Variants in APP observed in about 807,000 individuals in gnomAD.
APP encodes amyloid beta precursor protein.
Under a neutral mutation model 101.4 loss-of-function variants are expected in APP, and 31 were observed. That is an observed-to-expected ratio of 0.31 (90% CI 0.23 to 0.41). The LOEUF is 0.41. Among genes scored for constraint, APP ranks in the 10% least tolerant of loss-of-function variants. The pLI is 1.00. For missense variants in APP, 839 were observed against 1,003.7 expected (o/e 0.84, Z 2.22); for synonymous variants, 366 against 364.4 (o/e 1.00, Z -0.05).
chr21:26,005,037 T>A (rs1006661306), intron 6 of APP, among the ~76,000 whole-genome samples: 1 of 152,192 alleles, frequency 6.6e-6, no homozygotes, highest in Non-Finnish European at 1.5e-5. Context: ...CACATTTTCT[T>A]AATCCAGTCT....
At chr21:25,944,322 C>T (rs1257741380) in intron 13 of APP, among the ~76,000 whole-genome samples, 1 of 152,176 alleles carries the variant, frequency 6.6e-6, no homozygotes, top group Non-Finnish European at 1.5e-5. Context: ...TGTTTAGGTG[C>T]ACACCAAGTC....
intron 16 of APP, among the ~76,000 whole-genome samples, chr21:25,896,347 G>A (rs1254242958): frequency 3.9e-5 from 6 of 152,064 alleles, no homozygotes; most frequent in Non-Finnish European, 7.4e-5. Context: ...GTTTCTTTTA[G>A]AGATTAATAC....
At chr21:26,076,888 C>A (rs1251784487) in intron 3 of APP, among the ~76,000 whole-genome samples, 1 of 151,910 alleles carries the variant, frequency 6.6e-6, no homozygotes, top group East Asian at 1.9e-4. Flanking sequence ...ACGATGAAAC[C>A]CAGTCTCCAC....
intron 3 of APP, among the ~76,000 whole-genome samples, chr21:26,078,982 G>A (rs1407205227): frequency 6.6e-6 from 1 of 151,656 alleles, no homozygotes; most frequent in Non-Finnish European, 1.5e-5. Context: ...GGCGGAGGTT[G>A]GGGTGAGCTG....
At chr21:26,051,884 T>G (rs2045854741) in intron 4 of APP, among the ~76,000 whole-genome samples, 1 of 152,222 alleles carries the variant, frequency 6.6e-6, no homozygotes, top group African/African-American at 2.4e-5. Context: ...TATTACAGAC[T>G]GTATTTTGAC....
chr21:26,156,000 CAA>C (rs757330872), intron 1 of APP, among the ~76,000 whole-genome samples: 90 of 90,162 alleles, frequency 1.0e-3, no homozygotes, highest in South Asian at 9.8e-3. Context: ...GACTTCGTCT[CAA>C]AAAAAAAAAA....
chr21:25,957,991 AAAAAAACAAAAAAC>A (rs539156016), intron 11 of APP, among the ~76,000 whole-genome samples: 128 of 152,208 alleles, frequency 8.4e-4, no homozygotes, highest in South Asian at 1.7e-3. Flanking sequence ...CTTTTAATTA[AAAAAAACAAAAAAC>A]AAAAAACAAA....
chr21:25,897,949 A>G (rs911638178), intron 15 of APP: 3 of 464,454 alleles, frequency 6.5e-6, no homozygotes, highest in African/African-American at 5.9e-5. Flanking sequence ...GGGGAAAAGC[A>G]GAAGTTAAAT....
intron 6 of APP, among the ~76,000 whole-genome samples, chr21:26,010,521 T>A (rs2043744730): frequency 6.6e-6 from 1 of 152,028 alleles, no homozygotes; most frequent in Admixed American, 6.6e-5. Flanking sequence ...TACATTAAAA[T>A]GAGACCAGCC....
intron 1 of APP, among the ~76,000 whole-genome samples, chr21:26,129,880 A>G (rs2062757673): frequency 6.6e-6 from 1 of 152,214 alleles, no homozygotes; most frequent in Non-Finnish European, 1.5e-5. Flanking sequence ...CCAATTTCTG[A>G]ATTAAATTTT....
Position 26,152,446 on chromosome 21 carries a change from TACAAAGA to T in APP, c.57+18111_57+18117del, listed in dbSNP as rs890632504. 3.9e-5 allele frequency among the ~76,000 whole-genome samples: 6 copies of T among 152,184 alleles called. No individual in the cohort carries two copies. The East Asian group carries it at 1.2e-3, about 29-fold the overall frequency. ...TTACCCATTCAGTAAACATTACATG[TACAAAGA>T]ACTTAAAATAGTATGAGATTTAATG... On this transcript the variant is annotated intron_variant, in intron 1 of 17. Coordinates refer to ENST00000346798, the MANE Select transcript of APP (RefSeq NM_000484.4).
intron 1 of APP, among the ~76,000 whole-genome samples, chr21:26,144,077 T>C (rs1156870084): frequency 1.3e-5 from 2 of 152,038 alleles, no homozygotes; most frequent in Admixed American, 6.6e-5. Context: ...CTTCTTCACA[T>C]GGTGGCAGGA....
At chr21:25,930,541 T>C (rs375592860) in intron 13 of APP, among the ~76,000 whole-genome samples, 1 of 147,964 alleles carries the variant, frequency 6.8e-6, no homozygotes, top group South Asian at 2.2e-4. Flanking sequence ...AAAAGACTTA[T>C]GCAGATAATT....
rs1491027194 is a variant in APP, at chr21:26,136,142, AAG to A, written c.58-23998_58-23997del. Among the ~76,000 whole-genome samples, 166 of 121,214 alleles carry A rather than the reference AAG, an allele frequency of 1.4e-3. 5 individuals are homozygous for A. The highest frequency in any genetic ancestry group is 3.7e-3 in the Middle Eastern group (1 of 268). 79.5% of individuals were successfully genotyped at this position (121,214 alleles called of 152,430 possible). A position where few individuals can be genotyped will look rare whatever the true frequency, so the allele number is the denominator to read the frequency against. Reference sequence around the variant, plus strand: ...TGAGACTCTGTCTCAAAAAAGAAAAAAGAAAAGAAAAGAAAAGAAAAGAAAGA... The same window carrying A: ...TGAGACTCTGTCTCAAAAAAGAAAAAAAAAGAAAAGAAAAGAAAAGAAAGA... On this transcript the variant is annotated intron_variant, in intron 1 of 17. Transcript: ENST00000346798.
rs146298023 is a variant in APP at position 25,966,970 on chromosome 21, G to T, written c.1458+8100C>A. Among the ~76,000 whole-genome samples, 140 of 152,278 alleles carry T rather than the reference G, an allele frequency of 9.2e-4. 3 individuals carry two copies. In the East Asian group the frequency reaches 0.024, roughly 26 times the overall value. On this transcript the variant is annotated intron_variant, in intron 11 of 17. Coordinates refer to ENST00000346798, the MANE Select transcript of APP (RefSeq NM_000484.4). ...ACCCTTGTTATCTCCAATGACGGCT[G>T]TTTCTTGTTGAACATTTATTGCTCT...
intron 1 of APP, among the ~76,000 whole-genome samples, chr21:26,155,123 C>T (rs1478048949): frequency 5.3e-5 from 8 of 152,022 alleles, no homozygotes; most frequent in Non-Finnish European, 8.8e-5. Flanking sequence ...TGATGGCACA[C>T]GCCTGTAATC....
chr21:25,952,966 T>C (rs1438298322), intron 13 of APP, among the ~76,000 whole-genome samples: 1 of 152,222 alleles, frequency 6.6e-6, no homozygotes, highest in Non-Finnish European at 1.5e-5. Context: ...AGTGAAAAAT[T>C]AATTGGAGAT....
rs146621153 is a variant in APP at position 26,065,794 on chromosome 21, T to A, written c.356-12446A>T. On this transcript the variant is annotated intron_variant, in intron 3 of 17. Coordinates refer to ENST00000346798, the MANE Select transcript of APP (RefSeq NM_000484.4). ...CTTTTTGACTGCACTATTAGTCATA[T>A]CTTGATTTTATCAATAACAGGACTT... is the stretch of plus-strand genomic sequence containing the variant. Among the ~76,000 whole-genome samples the A allele has an allele frequency of 1.8e-3, 269 of 152,368 alleles. 2 individuals carry two copies. The highest frequency in any genetic ancestry group is 6.0e-3 in the African/African-American group (249 of 41,592).
chr21:26,139,239 G>T (rs2062989135), intron 1 of APP, among the ~76,000 whole-genome samples: 1 of 152,164 alleles, frequency 6.6e-6, no homozygotes, highest in African/African-American at 2.4e-5. Flanking sequence ...AAGAGTCAAA[G>T]AATCAAGGTC....
Sources: gnomAD v4.1 joint callset for allele counts (sites outside exome capture counted in the v4.1 genomes callset) on GRCh38, gnomAD v4.1.1 for gene constraint, MANE v1.5 for transcripts, NCBI Gene and HGNC (gene_info 2026-07-23, HGNC 2026-07-21) for gene names.